Variants in DLGAP1 observed in about 807,000 individuals in gnomAD.
DLGAP1 encodes the protein disks large-associated protein 1.
Under a neutral mutation model 90.8 loss-of-function variants are expected in DLGAP1, and 11 were observed. The observed-to-expected ratio is 0.12, with a 90% CI of 0.08 to 0.20. The LOEUF (loss-of-function observed/expected upper bound fraction) is 0.20, where lower values mean the gene tolerates loss of function less well. Among genes scored for constraint, DLGAP1 ranks in the 10% least tolerant of loss-of-function variants. The pLI is 1.00. For missense variants in DLGAP1, 1,050 were observed against 1,333.8 expected, an observed-to-expected ratio of 0.79 and a Z score of 3.31; for synonymous variants, 558 against 540.7, an observed-to-expected ratio of 1.03 and a Z score of -0.44.
rs188208761 is a variant in DLGAP1, at chr18:3,558,476, G to A, written c.2057+9014C>T. 1.6e-4 allele frequency among the ~76,000 whole-genome samples: 24 copies of A among 152,040 alleles called. No homozygotes were observed. The East Asian group carries it at 1.7e-3, about 11-fold the overall frequency. On this transcript the variant is annotated intron_variant, in intron 9 of 12. Transcript: ENST00000315677. ...TTGAACTCCTGACCTCAAGTGATCCGCCCACCTTGGCCTCCCAAAGTGCTA... is the reference window on the plus strand; with the variant it reads ...TTGAACTCCTGACCTCAAGTGATCCACCCACCTTGGCCTCCCAAAGTGCTA...
chr18:4,284,274 C>T (rs1488149627), intron 1 of DLGAP1, among the ~76,000 whole-genome samples: 3 of 150,934 alleles, frequency 2.0e-5, no homozygotes, highest in Non-Finnish European at 4.4e-5. Context: ...GGTATAATGT[C>T]GGCTCTTCCT....
At chr18:3,998,199 T>C (rs952819446) in intron 3 of DLGAP1, among the ~76,000 whole-genome samples, 13 of 152,328 alleles carry the variant, frequency 8.5e-5, no homozygotes, top group Middle Eastern at 6.8e-3. Context: ...AAGAGAAACA[T>C]CTCATCAACT....
chr18:4,058,455 T>C (rs1277390328), intron 2 of DLGAP1, among the ~76,000 whole-genome samples: 1 of 152,234 alleles, frequency 6.6e-6, no homozygotes, highest in Admixed American at 6.5e-5. Context: ...GCCAAGTTTT[T>C]CAGTGGCTTT....
At chr18:4,180,349 C>T (rs967917933) in intron 1 of DLGAP1, among the ~76,000 whole-genome samples, 4 of 152,152 alleles carry the variant, frequency 2.6e-5, no homozygotes, top group Non-Finnish European at 4.4e-5. Context: ...ACTACTTTTA[C>T]TCAGTCCCAA....
Position 3,733,074 on chromosome 18 carries a change from C to T in DLGAP1, c.1351-3699G>A, listed in dbSNP as rs573833425. 3.3e-5 allele frequency among the ~76,000 whole-genome samples: 5 copies of T among 152,156 alleles called. No individual in the cohort carries two copies. In the East Asian group the frequency reaches 5.8e-4, roughly 18 times the overall value. On this transcript the variant is annotated intron_variant, in intron 6 of 12. Transcript: ENST00000315677. ...TCTATAACTATCCATTTGCTTTAAC[C>T]CATAGTATATGCACAGAAAACATTA...
chr18:4,343,606 C>A (rs1410141015), intron 1 of DLGAP1, among the ~76,000 whole-genome samples: 1 of 152,014 alleles, frequency 6.6e-6, no homozygotes, highest in Non-Finnish European at 1.5e-5. Context: ...TAAAATGTTA[C>A]CTCCCTTTTC....
intron 1 of DLGAP1, chr18:4,293,318 C>G (rs1160683779): frequency 6.6e-6 from 1 of 152,226 alleles, no homozygotes; most frequent in Non-Finnish European, 1.5e-5. Context: ...TCAAGTTTGG[C>G]TCTGAAACAA....
chr18:3,814,118 C>T lies in DLGAP1; in HGVS notation c.1113G>A (p.Ala371=), dbSNP rs200329557. The change falls in exon 5 of 13, where the codon GCG becomes GCA. Residue 371 remains alanine (A), a synonymous_variant. Transcript: ENST00000315677. Reference sequence around the variant, plus strand: ...TAGCCTTGAGATAGCTTTCTCTCCGCGCAGCAACTTTTGGAGAAGGCTTAG... The same window carrying T: ...TAGCCTTGAGATAGCTTTCTCTCCGTGCAGCAACTTTTGGAGAAGGCTTAG... ...TSPKPSPKVA[A]RRESYLKATQ... 2.0e-5 allele frequency: 33 copies of T among 1,614,044 alleles called. No individual in the cohort carries two copies. The highest frequency in any genetic ancestry group is 1.3e-4 in the East Asian group (6 of 44,856).
At chr18:4,197,814 G>A (rs2077529164) in intron 1 of DLGAP1, among the ~76,000 whole-genome samples, 1 of 152,158 alleles carries the variant, frequency 6.6e-6, no homozygotes. Flanking sequence ...ATGAAGTAGG[G>A]AGAAATTATT....
chr18:4,113,048 T>C (rs959257471), intron 2 of DLGAP1, among the ~76,000 whole-genome samples: 4 of 149,846 alleles, frequency 2.7e-5, no homozygotes, highest in African/African-American at 1.0e-4. Context: ...TCTTCGCTAT[T>C]GTAAATAGTG....
At chr18:3,917,439 TCC>T (rs2072170509) in intron 3 of DLGAP1, among the ~76,000 whole-genome samples, 4 of 152,196 alleles carry the variant, frequency 2.6e-5, no homozygotes, top group African/African-American at 9.7e-5. Flanking sequence ...GAGGCCAATA[TCC>T]ATTTCTCAGT....
At chr18:3,682,724 TG>T (rs2060564562) in intron 7 of DLGAP1, among the ~76,000 whole-genome samples, 1 of 152,174 alleles carries the variant, frequency 6.6e-6, no homozygotes, top group Non-Finnish European at 1.5e-5. Context: ...AGGACTGGTG[TG>T]GGGTGTAGGC....
intron 1 of DLGAP1, among the ~76,000 whole-genome samples, chr18:4,246,627 C>T (rs953418928): frequency 3.3e-5 from 5 of 152,174 alleles, no homozygotes; most frequent in African/African-American, 1.2e-4. Flanking sequence ...TCTCCCCACA[C>T]ACCCACCCTC....
rs1438608039 is a variant in DLGAP1, at chr18:4,360,436, C to T, written c.-267+94570G>A. Among the ~76,000 whole-genome samples the T allele has an allele frequency of 1.3e-4, 20 of 152,092 alleles. 1 individual carries two copies. The South Asian group carries it at 2.3e-3, about 17-fold the overall frequency. On this transcript the variant is annotated intron_variant, in intron 1 of 12. Transcript: ENST00000315677. ...AGGAAATGGAGATAGAAGAGAAATG[C>T]GAATCAAAAGGTGGAACTCACGAAA...
At chr18:3,806,678 A>C (rs2066577751) in intron 5 of DLGAP1, among the ~76,000 whole-genome samples, 3 of 152,224 alleles carry the variant, frequency 2.0e-5, no homozygotes, top group Admixed American at 6.5e-5. Context: ...GACAGAAAAG[A>C]CGAAGGAATT....
intron 1 of DLGAP1, among the ~76,000 whole-genome samples, chr18:4,216,919 C>T (rs766058358): frequency 1.3e-5 from 2 of 151,910 alleles, no homozygotes; most frequent in Non-Finnish European, 2.9e-5. Context: ...GAGGATTCAC[C>T]GTTTGTGTTG....
rs752022559 is a variant in DLGAP1, at chr18:3,879,443, T to C, written c.626A>G (p.Asp209Gly). 1 of 1,608,318 alleles carries C rather than the reference T, an allele frequency of 6.2e-7. No individual in the cohort carries two copies. Among genetic ancestry groups the C allele is most frequent in the Non-Finnish European group, 8.5e-7 (1 of 1,179,936 alleles). Reference sequence around the variant, plus strand: ...GGCGTGGTAGATGCACATGTCACCATCCAGGTTGTCGTCCGAGCTCCACCA... The same window carrying C: ...GGCGTGGTAGATGCACATGTCACCACCCAGGTTGTCGTCCGAGCTCCACCA... ...PGWWSSDDNL[D>G]GDMCIYHAPS... Residue 209 changes from aspartate to glycine, a missense_variant, in exon 4 of 13, where the codon GAT (aspartate) becomes GGT (glycine). Transcript: ENST00000315677. The surrounding 1 kb of genome is among the most constrained non-coding windows in gnomAD (Gnocchi z 6.6).
chr18:3,650,076 C>T (rs1222554954), intron 7 of DLGAP1, among the ~76,000 whole-genome samples: 5 of 152,096 alleles, frequency 3.3e-5, no homozygotes, highest in African/African-American at 9.7e-5. Flanking sequence ...CAGGATCTTG[C>T]TCTGTCACCC....
intron 1 of DLGAP1, among the ~76,000 whole-genome samples, chr18:4,202,984 T>C (rs908842127): frequency 2.0e-5 from 3 of 152,256 alleles, no homozygotes; most frequent in African/African-American, 4.8e-5. Flanking sequence ...GATTAAAATA[T>C]GATACTCTTG....
Sources: gnomAD v4.1 joint callset for allele counts (sites outside exome capture counted in the v4.1 genomes callset) on GRCh38, gnomAD v4.1.1 for gene constraint, Gnocchi (gnomAD v3.1) non-coding constraint, MANE v1.5 for transcripts, NCBI Gene and HGNC (gene_info 2026-07-23, HGNC 2026-07-21) for gene names.